CYBB: variants seen among roughly 807,000 people sequenced by gnomAD.
CYBB encodes cytochrome b-245 beta chain.
CYBB carries 5 observed loss-of-function variants against 46.5 expected under a neutral mutation model. That is an observed-to-expected ratio of 0.11 (90% CI 0.06 to 0.23). The LOEUF (loss-of-function observed/expected upper bound fraction) is 0.23, where lower values mean the gene tolerates loss of function less well. CYBB is among the 10% of genes least tolerant of loss of function. The probability of loss-of-function intolerance (pLI) is 1.00; values close to 1 mark genes in which losing one functional copy is unlikely to be tolerated. For missense variants in CYBB, 307 were observed against 428.3 expected, an observed-to-expected ratio of 0.72 and a Z score of 2.50; for synonymous variants, 183 against 156.7, an observed-to-expected ratio of 1.17 and a Z score of -1.26.
At chrX:37,798,811 CTATT>C (rs1230989585) in intron 6 of CYBB, 140 bp from the exon 7 acceptor site, 2 of 560,289 alleles carry the variant, frequency 3.6e-6, no homozygotes, top group Non-Finnish European at 5.8e-6. Flanking sequence ...TTCCTTTCAT[CTATT>C]CAGAGGGAGC....
Position 37,802,110 on chromosome X carries a change from C to T in CYBB, c.897+762C>T, listed in dbSNP as rs34876447. Reference sequence around the variant, plus strand: ...TCAGTTCAAAAAGTATTTGCCAAAACCCTACTGTGGGTTATTTTTGCAAAA... The same window carrying T: ...TCAGTTCAAAAAGTATTTGCCAAAATCCTACTGTGGGTTATTTTTGCAAAA... On this transcript the variant is annotated intron_variant, in intron 8 of 12. Coordinates refer to ENST00000378588, the MANE Select transcript of CYBB (RefSeq NM_000397.4). Among the ~76,000 whole-genome samples, 1,084 of 111,969 alleles carry T rather than the reference C, an allele frequency of 9.7e-3. 9 individuals carry two copies. Among genetic ancestry groups the T allele is most frequent in the Non-Finnish European group, 0.015 (812 of 53,069 alleles).
chrX:37,786,406 A>G (rs1444794593), intron 3 of CYBB, among the ~76,000 whole-genome samples: 1 of 112,207 alleles, frequency 8.9e-6, no homozygotes, highest in East Asian at 2.8e-4. Flanking sequence ...GCCATTATAT[A>G]TATGAGTGTT....
intron 10 of CYBB, 127 bp downstream of exon 10, chrX:37,805,295 C>A: frequency 1.5e-6 from 1 of 645,799 alleles, no homozygotes; most frequent in Non-Finnish European, 2.4e-6. Flanking sequence ...TCCGGTGGTT[C>A]CAGAGAGACA....
chrX:37,804,143 T>C lies in CYBB; in HGVS notation c.1151+13T>C, dbSNP rs781868409. ...GGAAACTACCTAAGTGAGTAAAAAG[T>C]ACATATTACCAACGTATATGAGTTC... On this transcript the variant is annotated intron_variant, in intron 9 of 12. Coordinates refer to ENST00000378588, the MANE Select transcript of CYBB (RefSeq NM_000397.4). 2.6e-5 allele frequency: 31 copies of C among 1,206,354 alleles called. No individual in the cohort carries two copies. The highest frequency in any genetic ancestry group is 3.1e-5 in the Non-Finnish European group (28 of 892,355).
intron 6 of CYBB, among the ~76,000 whole-genome samples, chrX:37,798,746 T>C (rs1471034013): frequency 8.9e-6 from 1 of 112,274 alleles, no homozygotes; most frequent in Non-Finnish European, 1.9e-5. Context: ...CATGTAAATA[T>C]CCCTTTGGTA....
At chrX:37,810,671 A>G (rs977443730) in intron 12 of CYBB, 120 bp from the exon 13 acceptor site, 40 of 711,445 alleles carry the variant, frequency 5.6e-5, no homozygotes, top group Non-Finnish European at 8.6e-5. Flanking sequence ...TTTGTGGAAA[A>G]GAAAAAGGAG....
intron 4 of CYBB, among the ~76,000 whole-genome samples, chrX:37,792,457 C>T (rs1468963141): frequency 9.0e-6 from 1 of 110,728 alleles, no homozygotes; most frequent in Admixed American, 9.6e-5. Context: ...GAGCCATAGC[C>T]CATAAATTGA....
rs58302662 is a variant in CYBB at position 37,801,586 on chromosome X, T to TTGTGTGTG, written c.897+274_897+281dup. Reference sequence around the variant, plus strand: ...TCTGGACATCAATCTCCCCCACCCATTGTGTGTGTGTGTGTGTGTGTGTGT... The same window carrying TTGTGTGTG: ...TCTGGACATCAATCTCCCCCACCCATTGTGTGTGTGTGTGTGTGTGTGTGTGTGTGTGT... On this transcript the variant is annotated intron_variant, in intron 8 of 12. Coordinates refer to ENST00000378588, the MANE Select transcript of CYBB (RefSeq NM_000397.4). Among the ~76,000 whole-genome samples the TTGTGTGTG allele has an allele frequency of 0.047, 3,949 of 84,182 alleles. 81 individuals are homozygous for TTGTGTGTG. The highest frequency in any genetic ancestry group is 0.063 in the Non-Finnish European group (2,704 of 43,165). The allele number at this position is 84,182 out of a possible 115,157, so 73.1% of individuals were successfully genotyped here.
chrX:37,793,127 A>G (rs1396367611), intron 4 of CYBB, among the ~76,000 whole-genome samples: 3 of 105,674 alleles, frequency 2.8e-5, no homozygotes, highest in Non-Finnish European at 5.8e-5. Context: ...GTAAGTGTTT[A>G]TTAATAAAGA....
chrX:37,806,202 G>C (rs922642322), intron 10 of CYBB, among the ~76,000 whole-genome samples, 185 bp from the exon 11 acceptor site: 1 of 111,960 alleles, frequency 8.9e-6, no homozygotes, highest in African/African-American at 3.2e-5. Context: ...TGCCCTGCTA[G>C]AGTGAAGGCC....
chrX:37,810,212 A>G (rs1929641900), intron 12 of CYBB, among the ~76,000 whole-genome samples: 1 of 112,055 alleles, frequency 8.9e-6, no homozygotes, highest in Non-Finnish European at 1.9e-5. Flanking sequence ...AGAGATCACC[A>G]TACGTGTACC....
rs1928938788 is a variant in CYBB at position 37,780,889 on chromosome X, G to A, written c.45+767G>A. Among the ~76,000 whole-genome samples the A allele has an allele frequency of 2.7e-5, 3 of 111,378 alleles. No homozygotes were observed. The South Asian group carries it at 1.1e-3, about 41-fold the overall frequency. ...AAAGCAATAATGGACAAATTGGGTAGATAGAAATACGATTTTTAAATAGCC... is the reference window on the plus strand; with the variant it reads ...AAAGCAATAATGGACAAATTGGGTAAATAGAAATACGATTTTTAAATAGCC... On this transcript the variant is annotated intron_variant, in intron 1 of 12. Transcript: ENST00000378588.
chrX:37,794,526 C>T (rs1027361664), intron 5 of CYBB, among the ~76,000 whole-genome samples: 41 of 111,392 alleles, frequency 3.7e-4, no homozygotes, highest in Non-Finnish European at 3.4e-4. Context: ...AACATCCTGG[C>T]CTAAGTATTA....
chrX:37,810,943 T>C lies in CYBB; in HGVS notation c.*26T>C. ...CTTGTCTCTTCCATGAGGAAATAAA[T>C]GTGGGTTGTGCTGCCAAATGCTCAA... On this transcript the variant is annotated 3_prime_UTR_variant, in exon 13 of 13. Transcript: ENST00000378588. The C allele has an allele frequency of 8.4e-7, 1 of 1,190,211 alleles. No individual in the cohort carries two copies. Among genetic ancestry groups the C allele is most frequent in the Non-Finnish European group, 1.1e-6 (1 of 877,718 alleles).
intron 4 of CYBB, among the ~76,000 whole-genome samples, chrX:37,793,134 A>T (rs1929231794): frequency 9.4e-6 from 1 of 105,868 alleles, no homozygotes. Flanking sequence ...TTTATTAATA[A>T]AGAATGCAAT....
intron 3 of CYBB, among the ~76,000 whole-genome samples, chrX:37,784,354 G>A (rs1556464994): frequency 8.9e-6 from 1 of 111,925 alleles, no homozygotes; most frequent in East Asian, 2.8e-4. Context: ...GGGGAAGCAA[G>A]AGAGAAGTTG....
chrX:37,780,407 T>G (rs181589225), intron 1 of CYBB, among the ~76,000 whole-genome samples: 1 of 111,793 alleles, frequency 8.9e-6, no homozygotes, highest in African/African-American at 3.2e-5. Context: ...TAATGATCTC[T>G]GATTCTGAGT....
At chrX:37,804,253 GCTATTT>G in intron 9 of CYBB, 123 bp downstream of exon 9, 1 of 702,202 alleles carries the variant, frequency 1.4e-6, no homozygotes, top group Non-Finnish European at 2.2e-6. Context: ...AATATAGGTA[GCTATTT>G]CTGTGGTCAC....
In CYBB at chrX:37,793,665, C is replaced by A; in HGVS notation, c.338C>A (p.Ala113Glu). Residue 113 changes from alanine (A) to glutamate (E), a missense_variant and splice_region_variant, in exon 5 of 13, where the codon GCG (alanine) becomes GAG (glutamate). Physicochemically the swap from Ala to Glu is moderately radical, Grantham distance 107 (BLOSUM62 -1). Coordinates refer to ENST00000378588, the MANE Select transcript of CYBB (RefSeq NM_000397.4). ...TGTTTCTCTTCTCTGCCCTTTTCAGCGATTCACACCATTGCACATCTATTT... is the reference window on the plus strand; with the variant it reads ...TGTTTCTCTTCTCTGCCCTTTTCAGAGATTCACACCATTGCACATCTATTT... ...MVAWMIALHS[A>E]IHTIAHLFNV... is the part of the protein sequence containing the mutation. 8.3e-7 allele frequency: 1 copy of A among 1,207,488 alleles called. No homozygotes were observed. Among genetic ancestry groups the A allele is most frequent in the Non-Finnish European group, 1.1e-6 (1 of 893,103 alleles).
Sources: gnomAD v4.1 joint callset for allele counts (sites outside exome capture counted in the v4.1 genomes callset) on GRCh38, gnomAD v4.1.1 for gene constraint, MANE v1.5 for transcripts, NCBI Gene and HGNC (gene_info 2026-07-23, HGNC 2026-07-21) for gene names.